The following KANSL1L variants were observed in gnomAD, a reference collection of about 807,000 sequenced individuals.
The protein encoded by KANSL1L is KAT8 regulatory NSL complex subunit 1-like protein.
Under a neutral mutation model 108.6 loss-of-function variants are expected in KANSL1L, and 25 were observed. The ratio of observed to expected loss-of-function variants is 0.23; its 90% CI spans 0.17 to 0.32. KANSL1L has a LOEUF of 0.32. Among genes scored for constraint, KANSL1L ranks in the 10% least tolerant of loss-of-function variants. The probability of loss-of-function intolerance (pLI) is 1.00; values close to 1 mark genes in which losing one functional copy is unlikely to be tolerated. For missense variants in KANSL1L, 1,137 were observed against 1,125.7 expected, an observed-to-expected ratio of 1.01 and a Z score of -0.14; for synonymous variants, 405 against 395.1, an observed-to-expected ratio of 1.03 and a Z score of -0.30.
At chr2:210,032,805 T>C (rs2094037778) in intron 8 of KANSL1L, 1 of 152,080 alleles carries the variant, frequency 6.6e-6, no homozygotes, top group East Asian at 1.9e-4. Context: ...AAAATCTGAA[T>C]ACCAACACAA....
chr2:210,133,994 C>A (rs529154783), intron 2 of KANSL1L, among the ~76,000 whole-genome samples: 15 of 151,996 alleles, frequency 9.9e-5, no homozygotes, highest in Non-Finnish European at 1.6e-4. Flanking sequence ...TTTTGCTTAT[C>A]TGGAAATGTC....
rs976029239 is a variant in KANSL1L at position 210,023,009 on chromosome 2, A to T, written c.2904T>A (p.Asp968Glu). 5 of 1,613,814 alleles carry T rather than the reference A, an allele frequency of 3.1e-6. No homozygotes were observed. In the African/African-American group the frequency reaches 4.0e-5, roughly 13 times the overall value. Residue 968 changes from aspartate to glutamate, a missense_variant, in exon 15 of 15, where the codon GAT (aspartate) becomes GAA (glutamate). Physicochemically the swap from Asp to Glu is conservative, Grantham distance 45. Coordinates refer to ENST00000281772, the MANE Select transcript of KANSL1L (RefSeq NM_152519.4). Reference sequence around the variant, plus strand: ...CAAAGGTTTTGTATTCTTCCATTCCATCTGACTGCTTTTTTGGATGGTGGC... The same window carrying T: ...CAAAGGTTTTGTATTCTTCCATTCCTTCTGACTGCTTTTTTGGATGGTGGC... Reference protein sequence around the residue: ...ENGHHPKKQSDGMEEYKTFGL... With the variant: ...ENGHHPKKQSEGMEEYKTFGL...
chr2:210,027,614 A>T (rs959633874), intron 11 of KANSL1L, among the ~76,000 whole-genome samples: 17 of 152,196 alleles, frequency 1.1e-4, no homozygotes, highest in Non-Finnish European at 2.9e-5. Flanking sequence ...GTACTGACTG[A>T]AGTCAGTGGT....
At chr2:210,122,195 T>C (rs1379335043) in intron 3 of KANSL1L, among the ~76,000 whole-genome samples, 1 of 152,118 alleles carries the variant, frequency 6.6e-6, no homozygotes, top group Admixed American at 6.5e-5. Flanking sequence ...CTAAAATTTA[T>C]ATGGAACCAC....
chr2:210,073,552 A>C (rs1376999748), intron 6 of KANSL1L, among the ~76,000 whole-genome samples: 1 of 152,056 alleles, frequency 6.6e-6, no homozygotes, highest in East Asian at 1.9e-4. Context: ...AAGAAAAAAA[A>C]AACTCAGTTC....
chr2:210,063,492 C>T (rs766793673), intron 6 of KANSL1L, among the ~76,000 whole-genome samples: 14 of 152,188 alleles, frequency 9.2e-5, no homozygotes, highest in South Asian at 2.1e-4. Context: ...AGACACTAGA[C>T]GCCAGACTGT....
upstream of KANSL1L, chr2:210,171,670 A>T (rs1435434353): frequency 6.6e-6 from 1 of 151,846 alleles, no homozygotes; most frequent in African/African-American, 2.4e-5. Flanking sequence ...GAAAAAAAAA[A>T]ACACGGCCAG....
chr2:210,089,679 A>G (rs1446022012), intron 5 of KANSL1L, among the ~76,000 whole-genome samples: 1 of 152,120 alleles, frequency 6.6e-6, no homozygotes, highest in Non-Finnish European at 1.5e-5. Flanking sequence ...TTAAAAATAA[A>G]AAGTTAAAAT....
At chr2:210,155,411 CAAAGA>C (rs1052072286) in intron 1 of KANSL1L, 5 of 151,898 alleles carry the variant, frequency 3.3e-5, no homozygotes, top group Non-Finnish European at 4.4e-5. Context: ...GACTCTGTCT[CAAAGA>C]AAAGAAAAAG....
chr2:210,074,987 AAT>A (rs1483979048), intron 6 of KANSL1L, among the ~76,000 whole-genome samples: 1 of 152,202 alleles, frequency 6.6e-6, no homozygotes, highest in East Asian at 1.9e-4. Context: ...ACACATGAAA[AAT>A]ATGTTTTACA....
chr2:210,167,642 C>A (rs1688065677), intron 1 of KANSL1L, among the ~76,000 whole-genome samples: 1 of 151,936 alleles, frequency 6.6e-6, no homozygotes, highest in African/African-American at 2.4e-5. Flanking sequence ...ATAAAAACAA[C>A]ACACTTGAGA....
intron 13 of KANSL1L, 104 bp from the exon 14 acceptor site, chr2:210,024,305 T>A: frequency 2.4e-6 from 2 of 832,968 alleles, no homozygotes; most frequent in Non-Finnish European, 3.5e-6. Context: ...TTGGTAACTT[T>A]AAACAGTTTT....
chr2:210,078,962 T>C lies in KANSL1L; in HGVS notation c.1551-3206A>G, dbSNP rs1157705506. On this transcript the variant is annotated intron_variant, in intron 5 of 14. Coordinates refer to ENST00000281772, the MANE Select transcript of KANSL1L (RefSeq NM_152519.4). ...ATCTCTTTTTAAAAATCTTTCTTTC[T>C]TTTTTACAGACAGGGTTTCCTTCTG... Among the ~76,000 whole-genome samples, 3 of 152,164 alleles carry C rather than the reference T, an allele frequency of 2.0e-5. No homozygotes were observed. In the East Asian group the frequency reaches 5.8e-4, roughly 29 times the overall value.
At chr2:210,167,860 G>A (rs1391314967) in intron 1 of KANSL1L, among the ~76,000 whole-genome samples, 2 of 151,746 alleles carry the variant, frequency 1.3e-5, no homozygotes, top group Admixed American at 6.6e-5. Flanking sequence ...CTATCTACTG[G>A]CAAGTTTAAT....
chr2:210,145,074 T>A (rs957450610), intron 2 of KANSL1L, among the ~76,000 whole-genome samples: 1 of 152,190 alleles, frequency 6.6e-6, no homozygotes, highest in Non-Finnish European at 1.5e-5. Context: ...TACAGCTCTA[T>A]CAACTGATGT....
In KANSL1L at chr2:210,150,701, G is replaced by A. The variant is rs377534476; in HGVS notation, c.1088+2794C>T. On this transcript the variant is annotated intron_variant, in intron 2 of 14. Transcript: ENST00000281772. ...GGAGGCTGAAGCAGGAGAATCGCTT[G>A]AACCCAGGACGTGGAGGTTGCAGTG... Among the ~76,000 whole-genome samples, 9 of 151,228 alleles carry A rather than the reference G, an allele frequency of 6.0e-5. No individual in the cohort carries two copies. The East Asian group carries it at 1.8e-3, about 30-fold the overall frequency.
At chr2:210,163,234 T>C (rs978380073) in intron 1 of KANSL1L, among the ~76,000 whole-genome samples, 5 of 152,142 alleles carry the variant, frequency 3.3e-5, no homozygotes, top group Non-Finnish European at 7.4e-5. Flanking sequence ...CAACTATGAT[T>C]AATATGCTAA....
chr2:210,079,620 A>ATG, intron 5 of KANSL1L, among the ~76,000 whole-genome samples: 1 of 1,016 alleles, frequency 9.8e-4, no homozygotes, highest in South Asian at 0.17. Flanking sequence ...GTGTATATAT[A>ATG]TATATATATA....
intron 2 of KANSL1L, among the ~76,000 whole-genome samples, chr2:210,140,554 T>G (rs1053035596): frequency 1.3e-5 from 2 of 152,236 alleles, no homozygotes; most frequent in Admixed American, 6.5e-5. Context: ...TTGACTATTA[T>G]AGTTTTCTCA....
Sources: allele counts gnomAD v4.1 joint callset (sites outside exome capture counted in the v4.1 genomes callset), GRCh38; gene constraint gnomAD v4.1.1; transcripts MANE v1.5; gene names NCBI Gene and HGNC (gene_info 2026-07-23, HGNC 2026-07-21).